LAMA3: variants seen among roughly 807,000 people sequenced by gnomAD.
LAMA3 encodes the protein laminin subunit alpha-3.
A neutral mutation model predicts 402.0 loss-of-function variants in LAMA3; 281 were observed. That is an observed-to-expected ratio of 0.70 (90% CI 0.63 to 0.77). LAMA3 has a LOEUF of 0.77. Among genes scored for constraint, LAMA3 ranks in the 30% least tolerant of loss-of-function variants. LAMA3 has a pLI of 0.00. For synonymous variants in LAMA3, 1,431 were observed against 1,558.4 expected (o/e 0.92, Z 1.93); for missense variants, 3,840 against 4,215.5 (o/e 0.91, Z 2.47).
intron 74 of LAMA3, among the ~76,000 whole-genome samples, chr18:23,953,325 G>GTTTTTTTTTTTGTTT (rs1568386187): frequency 1.5e-5 from 2 of 133,988 alleles, no homozygotes; most frequent in Non-Finnish European, 1.6e-5. Flanking sequence ...CTGTAATTTT[G>GTTTTTTTTTTTGTTT]TTTTTTTTTT....
At chr18:23,763,067 G>T (rs1006077307) in intron 7 of LAMA3, among the ~76,000 whole-genome samples, 4 of 152,080 alleles carry the variant, frequency 2.6e-5, no homozygotes, top group African/African-American at 9.7e-5. Context: ...ATATTGGCCA[G>T]GCTGGTCTCG....
intron 7 of LAMA3, among the ~76,000 whole-genome samples, chr18:23,761,187 C>A (rs2061960728): frequency 1.3e-5 from 2 of 152,254 alleles, no homozygotes; most frequent in South Asian, 4.1e-4. Flanking sequence ...GCTTTGACAT[C>A]ATTTTTGATG....
At position 23,779,434 on chromosome 18, in the gene LAMA3, G is replaced by A. The variant is rs193036979; in HGVS notation, c.1468+1815G>A. ...ATATCATCGGAAGGTAGAACCAACA[G>A]GATTTGCTGAGGGATTGCTAGACCG... On this transcript the variant is annotated intron_variant, in intron 11 of 74. Transcript: ENST00000313654. 3.4e-3 allele frequency among the ~76,000 whole-genome samples: 514 copies of A among 152,258 alleles called. 4 individuals carry two copies. The highest frequency in any genetic ancestry group is 0.012 in the African/African-American group (498 of 41,522).
At chr18:23,806,617 G>A (rs576216899) in intron 12 of LAMA3, among the ~76,000 whole-genome samples, 9 of 152,256 alleles carry the variant, frequency 5.9e-5, no homozygotes, top group East Asian at 1.9e-4. Flanking sequence ...CCCCATCTTC[G>A]TCATGATCTT....
intron 70 of LAMA3, among the ~76,000 whole-genome samples, chr18:23,947,318 G>T (rs957667163): frequency 7.2e-5 from 11 of 152,104 alleles, no homozygotes; most frequent in African/African-American, 2.2e-4. Context: ...ACAAAGTTAA[G>T]TAAGATGAGC....
intron 25 of LAMA3, among the ~76,000 whole-genome samples, chr18:23,837,737 G>A (rs751321921): frequency 6.6e-6 from 1 of 151,590 alleles, no homozygotes; most frequent in African/African-American, 2.4e-5. Context: ...GATTTACAAT[G>A]AATATCACAG....
intron 38 of LAMA3, among the ~76,000 whole-genome samples, chr18:23,872,661 C>A (rs118170838): frequency 6.6e-6 from 1 of 152,302 alleles, no homozygotes; most frequent in Non-Finnish European, 1.5e-5. Context: ...TGCCTACATT[C>A]TTCCCCTTCC....
At chr18:23,826,470 A>G (rs910503153) in intron 21 of LAMA3, among the ~76,000 whole-genome samples, 13 of 152,236 alleles carry the variant, frequency 8.5e-5, no homozygotes, top group African/African-American at 3.1e-4. Flanking sequence ...TGAAACTTGA[A>G]GAATAAAACT....
At chr18:23,928,504 T>A (rs1042831149) in intron 63 of LAMA3, 121 bp from the exon 64 acceptor site, 9 of 1,059,244 alleles carry the variant, frequency 8.5e-6, no homozygotes, top group Non-Finnish European at 1.3e-5. Context: ...AAGCTCTCTT[T>A]CTTTCTGAGG....
chr18:23,920,384 G>C (rs1267056634), intron 60 of LAMA3, among the ~76,000 whole-genome samples: 1 of 152,150 alleles, frequency 6.6e-6, no homozygotes, highest in Non-Finnish European at 1.5e-5. Flanking sequence ...CAGTACACCT[G>C]GATTGGAGCT....
intron 32 of LAMA3, among the ~76,000 whole-genome samples, chr18:23,853,251 A>G (rs1261441738): frequency 1.3e-5 from 2 of 152,100 alleles, no homozygotes; most frequent in African/African-American, 4.8e-5. Flanking sequence ...ATATGAGCAT[A>G]ATATGAAGGG....
chr18:23,825,354 G>A (rs1162204827), intron 21 of LAMA3, among the ~76,000 whole-genome samples: 2 of 152,164 alleles, frequency 1.3e-5, no homozygotes, highest in East Asian at 3.8e-4. Context: ...GAGTCCTTGG[G>A]AAAAGCTTGA....
At chr18:23,871,147 CA>C (rs529249815) in intron 37 of LAMA3, among the ~76,000 whole-genome samples, 30 of 152,272 alleles carry the variant, frequency 2.0e-4, no homozygotes, top group Non-Finnish European at 3.4e-4. Context: ...TTTGCACAAA[CA>C]AAAGCACATT....
At chr18:23,883,236 T>C (rs2064960737) in intron 40 of LAMA3, among the ~76,000 whole-genome samples, 2 of 152,204 alleles carry the variant, frequency 1.3e-5, no homozygotes, top group Admixed American at 1.3e-4. Flanking sequence ...GGGGCAGTTC[T>C]GAGCCACTGA....
chr18:23,814,381 T>C (rs746316849), intron 14 of LAMA3, 22 bp from the exon 15 acceptor site: 2 of 1,510,740 alleles, frequency 1.3e-6, no homozygotes, highest in African/African-American at 1.4e-5. Context: ...ATGTCAAATG[T>C]TTGTTTGATT....
intron 11 of LAMA3, among the ~76,000 whole-genome samples, chr18:23,780,567 G>C (rs577192843): frequency 6.6e-6 from 1 of 152,262 alleles, no homozygotes; most frequent in East Asian, 1.9e-4. Flanking sequence ...AGAGGACCTA[G>C]AGGAATAAGA....
At position 23,952,949 on chromosome 18, in the gene LAMA3, C is replaced by G; in HGVS notation, c.9737-41C>G. The G allele has an allele frequency of 1.9e-6, 3 of 1,613,096 alleles. 1 individual carries two copies. Among genetic ancestry groups the G allele is most frequent in the South Asian group, 1.1e-5 (1 of 90,978 alleles). On this transcript the variant is annotated intron_variant, in intron 73 of 74. Transcript: ENST00000313654. The stretch of plus-strand genomic sequence containing the variant: ...TCAATGGTGTAGACATTAAGCAGGG[C>G]TCACCTCCGATGATAGACCTAACCA...
chr18:23,795,932 G>T, intron 12 of LAMA3: 1 of 237,878 alleles, frequency 4.2e-6, no homozygotes, highest in South Asian at 4.2e-5. Flanking sequence ...AGGTCATAAG[G>T]GTGGAGCCCT....
intron 2 of LAMA3, among the ~76,000 whole-genome samples, chr18:23,725,565 C>T (rs957516255): frequency 1.3e-5 from 2 of 152,100 alleles, no homozygotes; most frequent in African/African-American, 2.4e-5. Flanking sequence ...GTCTGGGGCT[C>T]CCCATAAGGG....
Sources: gnomAD v4.1 joint callset for allele counts (sites outside exome capture counted in the v4.1 genomes callset) on GRCh38, gnomAD v4.1.1 for gene constraint, MANE v1.5 for transcripts, NCBI Gene and HGNC (gene_info 2026-07-23, HGNC 2026-07-21) for gene names.